The following DOCK1 variants were observed in gnomAD, a reference collection of about 807,000 sequenced individuals.
DOCK1 encodes dedicator of cytokinesis 1, also known as dedicator of cytokinesis protein 1.
In DOCK1, 138 loss-of-function variants were observed where a neutral mutation model predicts 262.7. The ratio of observed to expected loss-of-function variants is 0.53; its 90% CI spans 0.46 to 0.61. The LOEUF is 0.61. Among genes scored for constraint, DOCK1 ranks in the 20% least tolerant of loss-of-function variants. DOCK1 has a pLI of 0.00. For synonymous variants in DOCK1, 866 were observed against 867.4 expected (o/e 1.00, Z 0.03); for missense variants, 1,908 against 2,370.7 (o/e 0.80, Z 4.05).
chr10:127,111,055 G>A (rs1186737566), intron 25 of DOCK1, among the ~76,000 whole-genome samples: 1 of 152,140 alleles, frequency 6.6e-6, no homozygotes, highest in East Asian at 1.9e-4. Context: ...TTTGTGCCTG[G>A]ACATTTGGCT....
chr10:127,039,440 ATTC>A (rs2043872353), intron 19 of DOCK1, among the ~76,000 whole-genome samples: 6 of 152,134 alleles, frequency 3.9e-5, no homozygotes, highest in African/African-American at 9.7e-5. Context: ...TTGTCCCGTC[ATTC>A]TCCCCCATTC....
At chr10:126,915,585 T>A (rs1285376540) in intron 1 of DOCK1, among the ~76,000 whole-genome samples, 1 of 152,082 alleles carries the variant, frequency 6.6e-6, no homozygotes, top group Non-Finnish European at 1.5e-5. Context: ...CATCTGGTAA[T>A]TTTTTGTATT....
intron 4 of DOCK1, among the ~76,000 whole-genome samples, chr10:126,983,216 T>A (rs2039106337): frequency 6.6e-6 from 1 of 152,152 alleles, no homozygotes; most frequent in South Asian, 2.1e-4. Context: ...TTCTCCACAC[T>A]GTTTTCCTGG....
chr10:127,416,924 C>CT (rs397780943), intron 44 of DOCK1, among the ~76,000 whole-genome samples: 2 of 151,638 alleles, frequency 1.3e-5, no homozygotes. Flanking sequence ...CTGGCCACAC[C>CT]AGTGCATCAC....
chr10:126,949,897 G>T (rs1424594373), intron 1 of DOCK1, among the ~76,000 whole-genome samples: 1 of 152,050 alleles, frequency 6.6e-6, no homozygotes, highest in Admixed American at 6.6e-5. Context: ...CGATGGGAGG[G>T]CTGTGCTTTT....
chr10:127,422,158 C>CTTTTTTTTTTTTTTTTTTTT lies in DOCK1; in HGVS notation c.4776+2417_4776+2436dup. 6.5e-4 allele frequency among the ~76,000 whole-genome samples: 40 copies of CTTTTTTTTTTTTTTTTTTTT among 61,384 alleles called. 6 individuals carry two copies. Among genetic ancestry groups the CTTTTTTTTTTTTTTTTTTTT allele is most frequent in the East Asian group, 9.6e-4 (2 of 2,076 alleles). 40.3% of individuals were successfully genotyped at this position (61,384 alleles called of 152,430 possible). ...CAACAAGACTTGTTATTTTGTTTGT[C>CTTTTTTTTTTTTTTTTTTTT]TTTTTTTTTTTTTTTTTTTTTTTTT... On this transcript the variant is annotated intron_variant, in intron 46 of 51. Coordinates refer to ENST00000623213, the MANE Select transcript of DOCK1 (RefSeq NM_001290223.2).
At chr10:127,286,244 AAAAG>A (rs1463027026) in intron 29 of DOCK1, among the ~76,000 whole-genome samples, 1 of 152,124 alleles carries the variant, frequency 6.6e-6, no homozygotes, top group African/African-American at 2.4e-5. Flanking sequence ...GTTTGTCTGA[AAAAG>A]AAATCTATTT....
intron 29 of DOCK1, among the ~76,000 whole-genome samples, chr10:127,323,207 A>G (rs1388245450): frequency 3.3e-5 from 5 of 152,066 alleles, no homozygotes; most frequent in Non-Finnish European, 5.9e-5. Context: ...CATAAAAATG[A>G]GGGGTAAGGC....
At chr10:127,054,846 C>A (rs1397893369) in intron 22 of DOCK1, among the ~76,000 whole-genome samples, 1 of 152,140 alleles carries the variant, frequency 6.6e-6, no homozygotes, top group African/African-American at 2.4e-5. Flanking sequence ...ACTGGACTTT[C>A]CCTTTCATTC....
intron 29 of DOCK1, 117 bp from the exon 30 acceptor site, chr10:127,338,889 A>G: frequency 2.4e-6 from 2 of 835,330 alleles, no homozygotes; most frequent in Admixed American, 5.3e-5. Context: ...AGCTTTGCGC[A>G]AGACTTGGAG....
chr10:126,960,795 C>T (rs1314358171), intron 1 of DOCK1, among the ~76,000 whole-genome samples: 4 of 126,124 alleles, frequency 3.2e-5, no homozygotes, highest in Non-Finnish European at 5.1e-5. Flanking sequence ...TGTATATACA[C>T]ACACACACAC....
At chr10:126,976,296 T>C (rs942803809) in intron 2 of DOCK1, among the ~76,000 whole-genome samples, 1 of 152,168 alleles carries the variant, frequency 6.6e-6, no homozygotes, top group South Asian at 2.1e-4. Flanking sequence ...GTATCTGAGG[T>C]TCCCCCAATC....
rs1393891755 is a variant in DOCK1, at chr10:127,379,226, C to T, written c.3676-856C>T. Among the ~76,000 whole-genome samples the T allele has an allele frequency of 3.9e-5, 6 of 152,304 alleles. No individual in the cohort carries two copies. In the East Asian group the frequency reaches 5.8e-4, roughly 15 times the overall value. On this transcript the variant is annotated intron_variant, in intron 35 of 51. Transcript: ENST00000623213. Reference sequence around the variant, plus strand: ...ATTTTAAAGTGTTTATGGAGATGTTCACCTTAAGAAATATAATTTTGATAG... The same window carrying T: ...ATTTTAAAGTGTTTATGGAGATGTTTACCTTAAGAAATATAATTTTGATAG...
rs148847805 is a variant in DOCK1, at chr10:127,034,329, G to T, written c.1912+2009G>T. On this transcript the variant is annotated intron_variant, in intron 18 of 51. Transcript: ENST00000623213. ...GAAAGAGAGAGAGAGAGCTTGTGCAGGGGAACTTCTCTTTTTAAAACCATC... is the reference window on the plus strand; with the variant it reads ...GAAAGAGAGAGAGAGAGCTTGTGCATGGGAACTTCTCTTTTTAAAACCATC... Among the ~76,000 whole-genome samples, 1,175 of 152,238 alleles carry T rather than the reference G, an allele frequency of 7.7e-3. 19 individuals carry two copies. Among genetic ancestry groups the T allele is most frequent in the African/African-American group, 0.027 (1,104 of 41,540 alleles).
chr10:127,156,729 C>T (rs796554000), intron 27 of DOCK1, among the ~76,000 whole-genome samples: 8 of 151,876 alleles, frequency 5.3e-5, no homozygotes, highest in East Asian at 3.9e-4. Context: ...CCACCACTCC[C>T]GGCTAATTTT....
chr10:126,915,995 A>G (rs1486164879), intron 1 of DOCK1, among the ~76,000 whole-genome samples: 1 of 152,244 alleles, frequency 6.6e-6, no homozygotes, highest in Admixed American at 6.5e-5. Context: ...GAAAGGCTAT[A>G]AAGTTAAATC....
chr10:126,931,652 C>T (rs1348317330), intron 1 of DOCK1, among the ~76,000 whole-genome samples: 1 of 152,146 alleles, frequency 6.6e-6, no homozygotes, highest in African/African-American at 2.4e-5. Flanking sequence ...TTTTCCAGCT[C>T]CACATTCCCA....
At chr10:127,388,963 T>C (rs972871087) in intron 38 of DOCK1, among the ~76,000 whole-genome samples, 48 of 152,196 alleles carry the variant, frequency 3.2e-4, no homozygotes, top group African/African-American at 1.1e-3. Context: ...AAAGACGACG[T>C]CCACACTAGT....
chr10:127,121,884 G>A (rs1486983812), intron 25 of DOCK1, among the ~76,000 whole-genome samples: 1 of 152,192 alleles, frequency 6.6e-6, no homozygotes, highest in East Asian at 1.9e-4. Context: ...GATACCACAT[G>A]TGCGTAATTG....
Sources: gnomAD v4.1 joint callset for allele counts (sites outside exome capture counted in the v4.1 genomes callset) on GRCh38, gnomAD v4.1.1 for gene constraint, MANE v1.5 for transcripts, NCBI Gene and HGNC (gene_info 2026-07-23, HGNC 2026-07-21) for gene names.